Variants in ABRA observed in about 807,000 individuals in gnomAD.
ABRA encodes the protein actin-binding Rho-activating protein.
Under a neutral mutation model 33.4 loss-of-function variants are expected in ABRA, and 25 were observed. The ratio of observed to expected loss-of-function variants is 0.75; its 90% CI spans 0.55 to 1.04. The LOEUF is 1.04. Ranked by LOEUF, ABRA falls within the 50% of genes least tolerant of loss-of-function variation. The pLI is 0.00. For synonymous variants in ABRA, 193 were observed against 176.8 expected, an observed-to-expected ratio of 1.09 and a Z score of -0.73; for missense variants, 501 against 491.7, an observed-to-expected ratio of 1.02 and a Z score of -0.18.
chr8:106,770,018 T>A lies in ABRA; in HGVS notation c.173A>T (p.Asp58Val). The change falls in exon 1 of 2, where the codon GAC (aspartate) becomes GTC (valine). Residue 58 changes from aspartate (D) to valine (V), a missense_variant. Asp to Val is a radical substitution (Grantham distance 152). Transcript: ENST00000311955. ...PTGWLPGGTQ[D>V]SPQAPKPITP... ...GATTGGTTTAGGAGCTTGAGGTGAG[T>A]CCTGGGTCCCTCCCGGCAGCCAGCC... is the stretch of plus-strand genomic sequence containing the variant. The A allele has an allele frequency of 6.2e-7, 1 of 1,613,878 alleles. No individual in the cohort carries two copies. The highest frequency in any genetic ancestry group is 8.5e-7 in the Non-Finnish European group (1 of 1,179,978).
intron 1 of ABRA, among the ~76,000 whole-genome samples, chr8:106,764,227 T>C (rs1295157984): frequency 2.6e-5 from 4 of 152,216 alleles, no homozygotes; most frequent in Non-Finnish European, 5.9e-5. Context: ...AACTGCACGT[T>C]ATATGGGTCT....
At chr8:106,764,709 T>G (rs956171304) in intron 1 of ABRA, among the ~76,000 whole-genome samples, 88 of 152,254 alleles carry the variant, frequency 5.8e-4, no homozygotes, top group African/African-American at 2.1e-3. Context: ...AGAAACACCA[T>G]TTAAATATTA....
In ABRA at chr8:106,770,047, A is replaced by G. The variant is rs1810583293; in HGVS notation, c.144T>C (p.Pro48=). The G allele has an allele frequency of 1.4e-5, 23 of 1,614,022 alleles. No individual in the cohort carries two copies. The highest frequency in any genetic ancestry group is 2.7e-5 in the African/African-American group (2 of 74,992). The change falls in exon 1 of 2, where the codon CCT becomes CCC. Residue 48 remains proline (P), a synonymous_variant. Coordinates refer to ENST00000311955, the MANE Select transcript of ABRA (RefSeq NM_139166.5). ...GGGTCCCTCCCGGCAGCCAGCCTGT[A>G]GGCTCCTGGGCCTGCCTGATGCTGT... ...NENSIRQAQE[P]TGWLPGGTQD...
At chr8:106,768,936 G>A (rs1810547511) in intron 1 of ABRA, among the ~76,000 whole-genome samples, 1 of 152,066 alleles carries the variant, frequency 6.6e-6, no homozygotes, top group South Asian at 2.1e-4. Flanking sequence ...GCGCCCAGCT[G>A]ATGAAATCAC....
rs1274172808 is a variant in ABRA, at chr8:106,769,510, T to C, written c.668+13A>G. 1 of 1,606,288 alleles carries C rather than the reference T, an allele frequency of 6.2e-7. No individual in the cohort carries two copies. Among genetic ancestry groups the C allele is most frequent in the Non-Finnish European group, 8.5e-7 (1 of 1,175,774 alleles). ...GATCCTGACACAAGGAGTGGGAGAA[T>C]GCATTCACTTACTGGGAGGGCAAGG... On this transcript the variant is annotated intron_variant, in intron 1 of 1. Coordinates refer to ENST00000311955, the MANE Select transcript of ABRA (RefSeq NM_139166.5).
At chr8:106,761,928 G>A (rs763954380) in intron 1 of ABRA, among the ~76,000 whole-genome samples, 2 of 152,072 alleles carry the variant, frequency 1.3e-5, no homozygotes, top group Non-Finnish European at 2.9e-5. Context: ...CCAAAGGTAA[G>A]GACTCTACCA....
intron 1 of ABRA, among the ~76,000 whole-genome samples, chr8:106,762,428 T>C (rs1217993826): frequency 6.6e-6 from 1 of 152,156 alleles, no homozygotes; most frequent in African/African-American, 2.4e-5. Context: ...AAGGAATAAG[T>C]TGCGTTTTAA....
chr8:106,766,753 G>A (rs1836227016), intron 1 of ABRA, among the ~76,000 whole-genome samples: 1 of 152,178 alleles, frequency 6.6e-6, no homozygotes, highest in South Asian at 2.1e-4. Context: ...ACCAAGCCTG[G>A]CTTCCTGTAT....
Position 106,769,609 on chromosome 8 carries a change from G to A in ABRA, c.582C>T (p.Ser194=), listed in dbSNP as rs150778049. ...TCTCCTCAGCCTCTCCTCCATAGCC[G>A]CTGTCCTCTGTGTCTACGCTGTCAC... ...WRSDSVDTED[S]GYGGEAEERP... is the part of the protein sequence containing the mutation. The change falls in exon 1 of 2, where the codon AGC becomes AGT. Residue 194 remains serine (S), a synonymous_variant. Coordinates refer to ENST00000311955, the MANE Select transcript of ABRA (RefSeq NM_139166.5). The A allele has an allele frequency of 1.5e-5, 25 of 1,614,144 alleles. No individual in the cohort carries two copies. The highest frequency in any genetic ancestry group is 8.8e-5 in the South Asian group (8 of 91,078).
Position 106,769,751 on chromosome 8 carries a change from A to T in ABRA, c.440T>A (p.Ile147Asn). ...GCCGTGGCTGTGGAGGATTCTGTCA[A>T]TGTCATTCTCTGGCTGCCCAGGTTC... is the stretch of plus-strand genomic sequence containing the variant. ...VLEPGQPENDIDRILHSHGSP... is the reference protein window; with the variant it reads ...VLEPGQPENDNDRILHSHGSP... Residue 147 changes from isoleucine (I) to asparagine (N), a missense_variant, in exon 1 of 2, where the codon ATT (isoleucine) becomes AAT (asparagine). Coordinates refer to ENST00000311955, the MANE Select transcript of ABRA (RefSeq NM_139166.5). 2 of 1,614,004 alleles carry T rather than the reference A, an allele frequency of 1.2e-6. No individual in the cohort carries two copies. Among genetic ancestry groups the T allele is most frequent in the Non-Finnish European group, 1.7e-6 (2 of 1,179,992 alleles).
At chr8:106,763,060 A>C (rs528153491) in intron 1 of ABRA, among the ~76,000 whole-genome samples, 17 of 152,316 alleles carry the variant, frequency 1.1e-4, no homozygotes, top group Non-Finnish European at 2.4e-4. Context: ...TGCCTGAGCT[A>C]TCCCAGCTCT....
chr8:106,766,716 C>T (rs1019942110), intron 1 of ABRA, among the ~76,000 whole-genome samples: 1 of 152,192 alleles, frequency 6.6e-6, no homozygotes, highest in African/African-American at 2.4e-5. Context: ...CAGAGCCAAG[C>T]TCCTAGCATC....
chr8:106,764,198 T>C (rs1444766471), intron 1 of ABRA, among the ~76,000 whole-genome samples: 2 of 152,252 alleles, frequency 1.3e-5, no homozygotes, highest in East Asian at 3.8e-4. Context: ...CAAATTTGCA[T>C]CCAGAGGTAA....
intron 1 of ABRA, among the ~76,000 whole-genome samples, chr8:106,764,412 G>T (rs1836182940): frequency 6.6e-6 from 1 of 152,192 alleles, no homozygotes. Context: ...CCAGCACTTG[G>T]GGAGGGTGAA....
In ABRA at chr8:106,769,579, G is replaced by C. The variant is rs767977005; in HGVS notation, c.612C>G (p.Pro204=). 4 of 1,614,012 alleles carry C rather than the reference G, an allele frequency of 2.5e-6. No individual in the cohort carries two copies. Among genetic ancestry groups the C allele is most frequent in the Non-Finnish European group, 2.5e-6 (3 of 1,180,024 alleles). Reference sequence around the variant, plus strand: ...CAGCCACCTGCACTCCATCCTGCTCGGGCCTCTCCTCAGCCTCTCCTCCAT... The same window carrying C: ...CAGCCACCTGCACTCCATCCTGCTCCGGCCTCTCCTCAGCCTCTCCTCCAT... The part of the protein sequence containing the change: ...SGYGGEAEER[P]EQDGVQVAVV... The change falls in exon 1 of 2, where the codon CCC becomes CCG. Residue 204 remains proline, a synonymous_variant. Coordinates refer to ENST00000311955, the MANE Select transcript of ABRA (RefSeq NM_139166.5).
intron 1 of ABRA, among the ~76,000 whole-genome samples, chr8:106,768,525 G>A (rs1810540182): frequency 6.6e-6 from 1 of 152,234 alleles, no homozygotes; most frequent in Admixed American, 6.5e-5. Context: ...TTGAGCATAT[G>A]TGACAAGCTC....
chr8:106,762,706 T>C (rs1836155344), intron 1 of ABRA, among the ~76,000 whole-genome samples: 1 of 152,056 alleles, frequency 6.6e-6, no homozygotes, highest in African/African-American at 2.4e-5. Context: ...AGCTAATGCA[T>C]GTGGGGCTTA....
Position 106,769,767 on chromosome 8 carries a change from G to T in ABRA, c.424C>A (p.Gln142Lys). 6.2e-7 allele frequency: 1 copy of T among 1,614,172 alleles called. No individual in the cohort carries two copies. Among genetic ancestry groups the T allele is most frequent in the Non-Finnish European group, 8.5e-7 (1 of 1,180,026 alleles). Reference protein sequence around the residue: ...ERDAGVLEPGQPENDIDRILH... With the variant: ...ERDAGVLEPGKPENDIDRILH... Reference sequence around the variant, plus strand: ...ATTCTGTCAATGTCATTCTCTGGCTGCCCAGGTTCAAGCACACCAGCATCC... The same window carrying T: ...ATTCTGTCAATGTCATTCTCTGGCTTCCCAGGTTCAAGCACACCAGCATCC... Residue 142 changes from glutamine to lysine, a missense_variant, in exon 1 of 2, where the codon CAG becomes AAG. Physicochemically the swap from Gln to Lys is moderately conservative, Grantham distance 53 (BLOSUM62 1). Coordinates refer to ENST00000311955, the MANE Select transcript of ABRA (RefSeq NM_139166.5).
Position 106,761,148 on chromosome 8 carries a change from A to G in ABRA, c.1035T>C (p.Asp345=). 2 of 1,614,240 alleles carry G rather than the reference A, an allele frequency of 1.2e-6. No homozygotes were observed. Among genetic ancestry groups the G allele is most frequent in the Middle Eastern group, 1.6e-4 (1 of 6,062 alleles). Residue 345 remains aspartate (D), a synonymous_variant, in exon 2 of 2, where the codon GAT becomes GAC. Transcript: ENST00000311955. The part of the protein sequence containing the change: ...DLFDRYVRIS[D]KVVGILMRAR... ...CACGCATGAGAATGCCCACTACTTTATCTGAAATACGAACGTATCTGTCAA... is the reference window on the plus strand; with the variant it reads ...CACGCATGAGAATGCCCACTACTTTGTCTGAAATACGAACGTATCTGTCAA...
Sources: gnomAD v4.1 joint callset for allele counts (sites outside exome capture counted in the v4.1 genomes callset) on GRCh38, gnomAD v4.1.1 for gene constraint, MANE v1.5 for transcripts, NCBI Gene and HGNC (gene_info 2026-07-23, HGNC 2026-07-21) for gene names.